Variants in CERT1 observed in about 807,000 individuals in gnomAD.
CERT1 encodes the protein ceramide transfer protein.
In CERT1, 31 loss-of-function variants were observed where a neutral mutation model predicts 87.9. That is an observed-to-expected ratio of 0.35 (90% CI 0.27 to 0.48). The LOEUF (loss-of-function observed/expected upper bound fraction) is 0.48. Among genes scored for constraint, CERT1 ranks in the 20% least tolerant of loss-of-function variants. The pLI, the probability that CERT1 is intolerant of heterozygous loss-of-function variation, is 0.99. For synonymous variants in CERT1, 289 were observed against 250.9 expected, an observed-to-expected ratio of 1.15 and a Z score of -1.44; for missense variants, 487 against 758.0, an observed-to-expected ratio of 0.64 and a Z score of 4.20.
chr5:75,374,249 C>T (rs190252577), downstream of CERT1: 266 of 400,080 alleles, frequency 6.6e-4, 1 homozygote, highest in East Asian at 8.6e-3. Flanking sequence ...ATGTTTGCTA[C>T]GAACAGCTGC....
chr5:75,404,711 A>C (rs1351300179), intron 8 of CERT1, among the ~76,000 whole-genome samples: 1 of 152,176 alleles, frequency 6.6e-6, no homozygotes, highest in Non-Finnish European at 1.5e-5. Context: ...TGAAAACTAC[A>C]GCATTTAAAA....
At chr5:75,435,164 C>A (rs1454835591) in intron 3 of CERT1, among the ~76,000 whole-genome samples, 1 of 152,146 alleles carries the variant, frequency 6.6e-6, no homozygotes, top group African/African-American at 2.4e-5. Flanking sequence ...TGTCTGTCTG[C>A]ACTGATTCAA....
intron 2 of CERT1, among the ~76,000 whole-genome samples, chr5:75,461,821 G>GAAAAAAAAAAAA (rs11404644): frequency 1.1e-5 from 1 of 89,700 alleles, no homozygotes; most frequent in African/African-American, 4.2e-5. Flanking sequence ...TCAACAAAGT[G>GAAAAAAAAAAAA]AAAAAAAAAA....
intron 3 of CERT1, among the ~76,000 whole-genome samples, chr5:75,458,847 G>A (rs1232462159): frequency 6.6e-6 from 1 of 152,194 alleles, no homozygotes; most frequent in East Asian, 1.9e-4. Flanking sequence ...ACCATGCCCA[G>A]CCGAGTAATA....
chr5:75,501,487 A>ATTCCT (rs1364983494), intron 2 of CERT1, among the ~76,000 whole-genome samples: 1 of 152,218 alleles, frequency 6.6e-6, no homozygotes, highest in Non-Finnish European at 1.5e-5. Context: ...GAACTTAGGA[A>ATTCCT]AACTAATTCT....
At chr5:75,481,814 C>T (rs1169288131) in intron 2 of CERT1, among the ~76,000 whole-genome samples, 7 of 151,968 alleles carry the variant, frequency 4.6e-5, no homozygotes, top group African/African-American at 9.7e-5. Context: ...CTCGAAGGCA[C>T]GGACACTGAC....
At chr5:75,444,123 T>C (rs919688309) in intron 3 of CERT1, among the ~76,000 whole-genome samples, 2 of 152,214 alleles carry the variant, frequency 1.3e-5, no homozygotes, top group Admixed American at 6.5e-5. Flanking sequence ...TGGCGTGATC[T>C]TGGCTCACTG....
intron 11 of CERT1, among the ~76,000 whole-genome samples, chr5:75,392,717 C>T (rs1368588130): frequency 1.3e-5 from 2 of 151,932 alleles, no homozygotes; most frequent in South Asian, 2.1e-4. Flanking sequence ...CGCCTGTAAT[C>T]CCAGCACTTT....
At position 75,472,075 on chromosome 5, in the gene CERT1, T is replaced by C. The variant is rs181900957; in HGVS notation, c.232-12894A>G. Among the ~76,000 whole-genome samples the C allele has an allele frequency of 7.4e-4, 112 of 152,218 alleles. 1 individual carries two copies. The highest frequency in any genetic ancestry group is 2.6e-3 in the African/African-American group (110 of 41,534). On this transcript the variant is annotated intron_variant, in intron 2 of 16. Transcript: ENST00000643780. ...AATCAACAGGTAACTAGCATAAAAA[T>C]AGACACACAGACCATTGTAATAGAA...
chr5:75,398,914 T>C (rs1438577765), intron 11 of CERT1, among the ~76,000 whole-genome samples: 3 of 152,248 alleles, frequency 2.0e-5, no homozygotes, highest in Non-Finnish European at 4.4e-5. Flanking sequence ...AATTTGGAGA[T>C]ACTTTAGCTT....
At chr5:75,380,751 C>T (rs1316068520) in intron 16 of CERT1, among the ~76,000 whole-genome samples, 1 of 134,180 alleles carries the variant, frequency 7.5e-6, no homozygotes, top group African/African-American at 2.9e-5. Flanking sequence ...GCACTCCAGC[C>T]TGGGCAACAG....
At chr5:75,472,293 C>A (rs908472240) in intron 2 of CERT1, among the ~76,000 whole-genome samples, 3 of 152,164 alleles carry the variant, frequency 2.0e-5, no homozygotes, top group African/African-American at 7.2e-5. Context: ...GAATTAAAAT[C>A]TGAAATATAA....
intron 8 of CERT1, among the ~76,000 whole-genome samples, chr5:75,409,987 TA>T (rs1762863689): frequency 6.6e-6 from 1 of 152,088 alleles, no homozygotes; most frequent in Admixed American, 6.5e-5. Context: ...TTTTATTTTA[TA>T]GAGATGAAGT....
chr5:75,478,133 C>G (rs2112379549), intron 2 of CERT1, among the ~76,000 whole-genome samples: 1 of 152,038 alleles, frequency 6.6e-6, no homozygotes, highest in East Asian at 1.9e-4. Context: ...ACCAACATGG[C>G]AAAACCCAGT....
chr5:75,412,628 T>C (rs1762976338), intron 7 of CERT1, among the ~76,000 whole-genome samples: 1 of 152,210 alleles, frequency 6.6e-6, no homozygotes, highest in Non-Finnish European at 1.5e-5. Context: ...TATAAACATT[T>C]ACAACATATG....
intron 9 of CERT1, chr5:75,401,446 G>A (rs1032518224): frequency 2.6e-5 from 4 of 152,128 alleles, no homozygotes; most frequent in Non-Finnish European, 4.4e-5. Context: ...TACAAAGTTA[G>A]TTAGAGGTAA....
chr5:75,500,603 C>T (rs139125799), intron 2 of CERT1, among the ~76,000 whole-genome samples: 1 of 152,236 alleles, frequency 6.6e-6, no homozygotes, highest in Non-Finnish European at 1.5e-5. Context: ...TTTAAAAATT[C>T]ACTGACAAAT....
intron 8 of CERT1, among the ~76,000 whole-genome samples, chr5:75,403,892 C>T (rs1456824238): frequency 1.3e-5 from 2 of 152,274 alleles, no homozygotes; most frequent in African/African-American, 4.8e-5. Flanking sequence ...TCAGCTGCAT[C>T]AGAAGATAAA....
intron 7 of CERT1, among the ~76,000 whole-genome samples, chr5:75,416,333 G>A (rs1763133851): frequency 6.6e-6 from 1 of 152,076 alleles, no homozygotes; most frequent in Admixed American, 6.6e-5. Flanking sequence ...CAAATCCACT[G>A]AGCCATGCTT....
Sources: allele counts gnomAD v4.1 joint callset (sites outside exome capture counted in the v4.1 genomes callset), GRCh38; gene constraint gnomAD v4.1.1; transcripts MANE v1.5; gene names NCBI Gene and HGNC (gene_info 2026-07-23, HGNC 2026-07-21).